Variants in GCNT2 observed in about 807,000 individuals in gnomAD.
The protein encoded by GCNT2 is glucosaminyl (N-acetyl) transferase 2 (I blood group).
A neutral mutation model predicts 34.2 loss-of-function variants in GCNT2; 34 were observed. The ratio of observed to expected loss-of-function variants is 1.00; its 90% CI spans 0.76 to 1.32. The LOEUF is 1.32. Ranked by LOEUF, GCNT2 falls within the 40% of genes most tolerant of loss-of-function variation. GCNT2 has a pLI of 0.00. For missense variants in GCNT2, 584 were observed against 489.4 expected, an observed-to-expected ratio of 1.19 and a Z score of -1.82; for synonymous variants, 212 against 188.0, an observed-to-expected ratio of 1.13 and a Z score of -1.04.
chr6:10,539,520 CA>C (rs1029969243), intron 3 of GCNT2, among the ~76,000 whole-genome samples: 2 of 151,996 alleles, frequency 1.3e-5, no homozygotes, highest in African/African-American at 4.8e-5. Flanking sequence ...GCAAATGCCT[CA>C]TTTCACTGAG....
chr6:10,585,935 G>A (rs1029405298), intron 3 of GCNT2: 8 of 1,607,798 alleles, frequency 5.0e-6, no homozygotes, highest in African/African-American at 1.3e-5. Flanking sequence ...CTCTCACACC[G>A]ATCATTTCTC....
chr6:10,590,468 C>A (rs1300840723), intron 3 of GCNT2, among the ~76,000 whole-genome samples: 1 of 151,828 alleles, frequency 6.6e-6, no homozygotes, highest in Non-Finnish European at 1.5e-5. Context: ...CCCCCCACAC[C>A]CTCTGTCTCT....
chr6:10,557,413 C>T (rs1762772069), intron 3 of GCNT2: 1 of 1,173,148 alleles, frequency 8.5e-7, no homozygotes, highest in Non-Finnish European at 1.3e-6. Context: ...TAACCAGCCA[C>T]TTTTTATTAG....
At position 10,529,488 on chromosome 6, in the gene GCNT2, C is replaced by G; in HGVS notation, c.577C>G (p.Gln193Glu). The G allele has an allele frequency of 1.2e-6, 2 of 1,614,022 alleles. No individual in the cohort carries two copies. The highest frequency in any genetic ancestry group is 1.7e-5 in the Admixed American group (1 of 60,002). ...GAAGTATGTCATCAACACCTGCGGGCAAGACTTTCCCCTGAAAACCAACAG... is the reference window on the plus strand; with the variant it reads ...GAAGTATGTCATCAACACCTGCGGGGAAGACTTTCCCCTGAAAACCAACAG... ...PWKYVINTCG[Q>E]DFPLKTNREI... is the part of the protein sequence containing the mutation. Residue 193 changes from glutamine to glutamate, a missense_variant, in exon 3 of 5, where the codon CAA (glutamine) becomes GAA (glutamate). Transcript: ENST00000495262.
At chr6:10,588,903 T>G (rs1764481849) in intron 3 of GCNT2, among the ~76,000 whole-genome samples, 1 of 109,618 alleles carries the variant, frequency 9.1e-6, no homozygotes, top group South Asian at 3.1e-4. Context: ...GTGTGTTGTG[T>G]GGTGTGTGTG....
At chr6:10,617,162 G>T (rs1346413823) in intron 3 of GCNT2, among the ~76,000 whole-genome samples, 1 of 152,146 alleles carries the variant, frequency 6.6e-6, no homozygotes, top group Admixed American at 6.5e-5. Flanking sequence ...GCGGTCGGGG[G>T]GAGGCTCAGA....
chr6:10,589,711 C>G (rs987070811), intron 3 of GCNT2, among the ~76,000 whole-genome samples: 1 of 152,088 alleles, frequency 6.6e-6, no homozygotes, highest in African/African-American at 2.4e-5. Context: ...TTAATACTTC[C>G]TTGTACATCT....
At position 10,529,609 on chromosome 6, in the gene GCNT2, A is replaced by C; in HGVS notation, c.698A>C (p.His233Pro). The change falls in exon 3 of 5, where the codon CAC becomes CCC. Residue 233 changes from histidine to proline, a missense_variant. Coordinates refer to ENST00000495262, the MANE Select transcript of GCNT2 (RefSeq NM_145649.5). ...GCTGTTGGACGGACTAAATACGTCC[A>C]CCAAGAACTGTTAAACCACAAAAAT... ...DHAVGRTKYV[H>P]QELLNHKNSY... The C allele has an allele frequency of 6.2e-7, 1 of 1,614,170 alleles. No individual in the cohort carries two copies. The highest frequency in any genetic ancestry group is 8.5e-7 in the Non-Finnish European group (1 of 1,180,000).
chr6:10,588,526 T>C (rs1182085190), intron 3 of GCNT2, among the ~76,000 whole-genome samples: 1 of 152,204 alleles, frequency 6.6e-6, no homozygotes, highest in East Asian at 1.9e-4. Flanking sequence ...TGGCCTGAAG[T>C]GTGAGCCGTT....
In GCNT2 at chr6:10,553,594, G is replaced by GA. The variant is rs1417256465; in HGVS notation, c.925+23765dup. ...TATGTTCTACATATCATCCTAAGTG[G>GA]AAAAAAATCATTAAATAGGCCGGGC... On this transcript the variant is annotated intron_variant, in intron 3 of 4. Transcript: ENST00000495262. 9.2e-5 allele frequency among the ~76,000 whole-genome samples: 14 copies of GA among 152,174 alleles called. No individual in the cohort carries two copies. The South Asian group carries it at 1.9e-3, about 20-fold the overall frequency.
intron 4 of GCNT2, among the ~76,000 whole-genome samples, chr6:10,626,068 G>A (rs1026248125): frequency 6.6e-6 from 1 of 151,892 alleles, no homozygotes; most frequent in Non-Finnish European, 1.5e-5. Context: ...AGATAAGGGG[G>A]GATTACTGTA....
intron 3 of GCNT2, among the ~76,000 whole-genome samples, chr6:10,549,791 T>A (rs1762412722): frequency 6.6e-6 from 1 of 152,184 alleles, no homozygotes. Flanking sequence ...TATTGTTAAA[T>A]AATTCTGTTC....
chr6:10,618,675 C>T (rs755008146), intron 3 of GCNT2, among the ~76,000 whole-genome samples: 1 of 152,164 alleles, frequency 6.6e-6, no homozygotes, highest in Non-Finnish European at 1.5e-5. Flanking sequence ...CTCTCCTTCT[C>T]CATCCCACAG....
intron 3 of GCNT2, among the ~76,000 whole-genome samples, chr6:10,571,478 G>A (rs946755831): frequency 2.6e-5 from 4 of 151,904 alleles, no homozygotes; most frequent in Non-Finnish European, 5.9e-5. Flanking sequence ...TCAGCCTCCC[G>A]AGTAACTAGG....
At position 10,529,785 on chromosome 6, in the gene GCNT2, G is replaced by A. The variant is rs1761392365; in HGVS notation, c.874G>A (p.Asp292Asn). ...ACTTGACTTACTCTCCTGGTCCAAG[G>A]ACACCTACAGCCCCGACGAACATTT... Reference protein sequence around the residue: ...LALDLLSWSKDTYSPDEHFWV... With the variant: ...LALDLLSWSKNTYSPDEHFWV... The change falls in exon 3 of 5, where the codon GAC becomes AAC. Residue 292 changes from aspartate to asparagine, a missense_variant. Physicochemically the swap from Asp to Asn is conservative, Grantham distance 23 (BLOSUM62 1). Coordinates refer to ENST00000495262, the MANE Select transcript of GCNT2 (RefSeq NM_145649.5). 6.2e-7 allele frequency: 1 copy of A among 1,614,094 alleles called. No individual in the cohort carries two copies. The highest frequency in any genetic ancestry group is 1.7e-5 in the Admixed American group (1 of 60,014).
At chr6:10,546,229 C>G (rs1207234594) in intron 3 of GCNT2, among the ~76,000 whole-genome samples, 1 of 152,166 alleles carries the variant, frequency 6.6e-6, no homozygotes, top group Admixed American at 6.5e-5. Context: ...CTGAGAGCAG[C>G]TTTGTCCATT....
intron 3 of GCNT2, among the ~76,000 whole-genome samples, chr6:10,562,057 G>A (rs1275060621): frequency 6.6e-6 from 1 of 152,098 alleles, no homozygotes; most frequent in Admixed American, 6.5e-5. Context: ...GAAGTTACCG[G>A]GTCACACATC....
chr6:10,589,801 C>T (rs1764553634), intron 3 of GCNT2, among the ~76,000 whole-genome samples: 1 of 152,108 alleles, frequency 6.6e-6, no homozygotes, highest in South Asian at 2.1e-4. Flanking sequence ...TTTAAGTTCA[C>T]TACAGATATA....
At chr6:10,611,564 C>T (rs538976588) in intron 3 of GCNT2, among the ~76,000 whole-genome samples, 64 of 152,022 alleles carry the variant, frequency 4.2e-4, no homozygotes, top group Non-Finnish European at 6.6e-4. Context: ...CTCTTGATCT[C>T]GTGGTCTGCC....
Sources: allele counts gnomAD v4.1 joint callset (sites outside exome capture counted in the v4.1 genomes callset), GRCh38; gene constraint gnomAD v4.1.1; transcripts MANE v1.5; gene names NCBI Gene and HGNC (gene_info 2026-07-23, HGNC 2026-07-21).